Variants in CHD1L observed in about 807,000 individuals in gnomAD.
CHD1L encodes the protein ATP-dependent chromatin remodeler CHD1L.
CHD1L carries 118 observed loss-of-function variants against 115.9 expected under a neutral mutation model. The observed-to-expected ratio is 1.02, with a 90% CI of 0.88 to 1.19. The LOEUF (loss-of-function observed/expected upper bound fraction) is 1.19, where lower values mean the gene tolerates loss of function less well. Ranked by LOEUF, CHD1L falls within the 50% of genes most tolerant of loss-of-function variation. CHD1L has a pLI of 0.00. For synonymous variants in CHD1L, 411 were observed against 387.1 expected (o/e 1.06, Z -0.72); for missense variants, 1,179 against 1,065.3 (o/e 1.11, Z -1.49).
At chr1:147,215,762 G>A in the CHD1L span, 16 of 1,598,616 alleles carry the variant, frequency 1.0e-5, no homozygotes, top group South Asian at 4.6e-5. Context: ...ACCTTAAATC[G>A]AATATACTTT....
At chr1:147,227,450 C>A in the CHD1L span, among the ~76,000 whole-genome samples, 6 of 152,220 alleles carry the variant, frequency 3.9e-5, no homozygotes, top group African/African-American at 1.4e-4. Context: ...TGTCCCCCTA[C>A]TTCAATTGTG....
intron 6 of CHD1L, among the ~76,000 whole-genome samples, chr1:147,263,439 A>AC (rs1331361548): frequency 6.6e-6 from 1 of 151,610 alleles, no homozygotes; most frequent in Non-Finnish European, 1.5e-5. Flanking sequence ...AAAAAAAAAA[A>AC]AAAAAAGATA....
chr1:147,229,226 C>G, the CHD1L span, among the ~76,000 whole-genome samples: 1 of 152,092 alleles, frequency 6.6e-6, no homozygotes, highest in African/African-American at 2.4e-5. Context: ...TTTCTACATA[C>G]AGCTAGCCCG....
the CHD1L span, among the ~76,000 whole-genome samples, chr1:147,193,202 A>C: frequency 6.6e-6 from 1 of 152,172 alleles, no homozygotes; most frequent in African/African-American, 2.4e-5. Context: ...TTATTGGTCT[A>C]TTCAGAGATT....
chr1:147,283,262 G>T (rs1681645709), intron 15 of CHD1L, among the ~76,000 whole-genome samples: 1 of 152,072 alleles, frequency 6.6e-6, no homozygotes. Flanking sequence ...AATTACAGCT[G>T]GTTAGATTTG....
At chr1:147,244,496 G>A (rs1404616634) in intron 1 of CHD1L, among the ~76,000 whole-genome samples, 7 of 144,744 alleles carry the variant, frequency 4.8e-5, no homozygotes, top group Admixed American at 4.2e-4. Flanking sequence ...CTTTTTTTTC[G>A]TTTGGTTACA....
upstream of CHD1L, chr1:147,242,669 G>T (rs782102989): frequency 7.9e-7 from 1 of 1,263,414 alleles, no homozygotes. Flanking sequence ...GGAGGTGCGC[G>T]CTTGGCCGCG....
At chr1:147,250,580 G>A (rs1668099573) in intron 1 of CHD1L, among the ~76,000 whole-genome samples, 1 of 152,116 alleles carries the variant, frequency 6.6e-6, no homozygotes, top group Admixed American at 6.5e-5. Context: ...ATTGGTTGGT[G>A]GGGATAAAAA....
chr1:147,200,593 C>CTTTTTTTTTT, the CHD1L span, among the ~76,000 whole-genome samples: 1 of 149,798 alleles, frequency 6.7e-6, no homozygotes, highest in Non-Finnish European at 1.5e-5. Context: ...ACCTATTCCC[C>CTTTTTTTTTT]TTTTTTTTTC....
chr1:147,293,394 AG>A (rs1328058465), intron 20 of CHD1L, among the ~76,000 whole-genome samples: 1 of 152,236 alleles, frequency 6.6e-6, no homozygotes, highest in Non-Finnish European at 1.5e-5. Context: ...AAAAAGAAGA[AG>A]AAAACCCTGT....
At chr1:147,244,226 C>T (rs1170332690) in intron 1 of CHD1L, among the ~76,000 whole-genome samples, 1 of 152,152 alleles carries the variant, frequency 6.6e-6, no homozygotes, top group Non-Finnish European at 1.5e-5. Flanking sequence ...GAGAAACGTA[C>T]ATATGGGCAA....
chr1:147,263,377 C>T (rs781939514), intron 6 of CHD1L, among the ~76,000 whole-genome samples: 21 of 143,930 alleles, frequency 1.5e-4, no homozygotes, highest in Non-Finnish European at 2.4e-4. Context: ...TACAGTGAGC[C>T]GAGATCATGC....
At chr1:147,204,707 G>C in the CHD1L span, 1 of 1,535,234 alleles carries the variant, frequency 6.5e-7, no homozygotes, top group Non-Finnish European at 9.0e-7. Context: ...TGTACTTCTA[G>C]TTCTCTTAAA....
rs12033160 is a variant in CHD1L at position 147,287,648 on chromosome 1, C to A, written c.2235C>A (p.His745Gln). ...TTCTTCAAACAGATGACTCTGGCCA[C>A]TGGGGCAGAGGTGGTTTATTTACAG... The part of the protein sequence containing the change: ...LIVHCVDDSG[H>Q]WGRGGLFTAL... The change falls in exon 19 of 23, where the codon CAC becomes CAA. Residue 745 changes from histidine to glutamine, a missense_variant. Transcript: ENST00000369258. 4.3e-6 allele frequency: 7 copies of A among 1,613,624 alleles called. No individual in the cohort carries two copies. The highest frequency in any genetic ancestry group is 5.9e-6 in the Non-Finnish European group (7 of 1,179,852).
intron 11 of CHD1L, among the ~76,000 whole-genome samples, chr1:147,271,611 C>T (rs375686916): frequency 2.0e-5 from 3 of 152,182 alleles, no homozygotes; most frequent in Non-Finnish European, 2.9e-5. Flanking sequence ...GTCTGAGTTC[C>T]GCAGTATACC....
At chr1:147,250,386 A>AAG (rs1390799807) in intron 1 of CHD1L, among the ~76,000 whole-genome samples, 12 of 152,000 alleles carry the variant, frequency 7.9e-5, no homozygotes, top group African/African-American at 2.7e-4. Context: ...CTGGCAGGGG[A>AAG]AGAGGGTCTG....
rs201227166 is a variant in CHD1L, at chr1:147,255,841, T to C, written c.376T>C (p.Tyr126His). 1.2e-5 allele frequency: 19 copies of C among 1,613,530 alleles called. No homozygotes were observed. Among genetic ancestry groups the C allele is most frequent in the Non-Finnish European group, 8.5e-7 (1 of 1,179,762 alleles). The change falls in exon 4 of 23, where the codon TAT becomes CAT. Residue 126 changes from tyrosine (Y) to histidine (H), a missense_variant. By Grantham distance (83) the Tyr-to-His change is moderately conservative (BLOSUM62 2). Coordinates refer to ENST00000369258, the MANE Select transcript of CHD1L (RefSeq NM_004284.6). ...RFAPGLSCVT[Y>H]AGDKEERACL... Reference sequence around the variant, plus strand: ...TGCTCCAGGTCTTTCCTGTGTAACATATGCAGGCGACAAGGAGGAAAGAGC... The same window carrying C: ...TGCTCCAGGTCTTTCCTGTGTAACACATGCAGGCGACAAGGAGGAAAGAGC...
At chr1:147,280,981 C>T (rs1190398556) in intron 15 of CHD1L, among the ~76,000 whole-genome samples, 2 of 152,042 alleles carry the variant, frequency 1.3e-5, no homozygotes, top group African/African-American at 2.4e-5. Context: ...GATGGTAGCT[C>T]CTTTTTATTT....
At chr1:147,266,563 T>C (rs1553948481) in intron 8 of CHD1L, among the ~76,000 whole-genome samples, 1 of 152,242 alleles carries the variant, frequency 6.6e-6, no homozygotes, top group Non-Finnish European at 1.5e-5. Context: ...GAATCCTCCT[T>C]TTGTTCTGCG....
Sources: gnomAD v4.1 joint callset for allele counts (sites outside exome capture counted in the v4.1 genomes callset) on GRCh38, gnomAD v4.1.1 for gene constraint, MANE v1.5 for transcripts, NCBI Gene and HGNC (gene_info 2026-07-23, HGNC 2026-07-21) for gene names.